The following HS6ST3 variants were observed in gnomAD, a reference collection of about 807,000 sequenced individuals.
The protein encoded by HS6ST3 is heparan sulfate 6-O-sulfotransferase 3.
In HS6ST3, 12 loss-of-function variants were observed where a neutral mutation model predicts 36.7. The observed-to-expected ratio is 0.33, with a 90% confidence interval of 0.21 to 0.53. The LOEUF (loss-of-function observed/expected upper bound fraction) is 0.53, where lower values mean the gene tolerates loss of function less well. Among genes scored for constraint, HS6ST3 ranks in the 20% least tolerant of loss-of-function variants. The pLI, the probability that HS6ST3 is intolerant of heterozygous loss-of-function variation, is 0.95. For synonymous variants in HS6ST3, 240 were observed against 257.5 expected (o/e 0.93, Z 0.65); for missense variants, 584 against 640.9 (o/e 0.91, Z 0.96).
At chr13:96,805,138 G>C (rs757114789) in intron 1 of HS6ST3, among the ~76,000 whole-genome samples, 3 of 152,184 alleles carry the variant, frequency 2.0e-5, no homozygotes, top group Non-Finnish European at 4.4e-5. Context: ...TAGCTGCCAA[G>C]AGGGTAATAT....
At chr13:96,304,142 C>CA (rs71113990) in intron 1 of HS6ST3, among the ~76,000 whole-genome samples, 7,292 of 135,680 alleles carry the variant, frequency 0.054, 342 homozygotes, top group African/African-American at 0.13. Context: ...GACTCCATCT[C>CA]AAAAAAAAAA....
chr13:96,825,997 A>G (rs1878638586), intron 1 of HS6ST3, among the ~76,000 whole-genome samples: 1 of 152,184 alleles, frequency 6.6e-6, no homozygotes, highest in Non-Finnish European at 1.5e-5. Context: ...CACATAGCGA[A>G]CCCTCAATAA....
intron 1 of HS6ST3, among the ~76,000 whole-genome samples, chr13:96,391,127 T>C (rs2055393265): frequency 6.6e-6 from 1 of 152,204 alleles, no homozygotes. Context: ...TCCCAGCTAG[T>C]CTGGCAAATA....
chr13:96,762,686 G>A (rs567211172), intron 1 of HS6ST3, among the ~76,000 whole-genome samples: 3 of 152,088 alleles, frequency 2.0e-5, no homozygotes, highest in East Asian at 1.9e-4. Context: ...ATTAACAAAC[G>A]GTTGTTCATT....
At chr13:96,559,500 T>C (rs983223865) in intron 1 of HS6ST3, among the ~76,000 whole-genome samples, 1 of 152,194 alleles carries the variant, frequency 6.6e-6, no homozygotes, top group African/African-American at 2.4e-5. Flanking sequence ...TCCACTGATA[T>C]CTAGCTGGTA....
chr13:96,493,288 T>G (rs2055955872), intron 1 of HS6ST3, among the ~76,000 whole-genome samples: 1 of 152,176 alleles, frequency 6.6e-6, no homozygotes, highest in Non-Finnish European at 1.5e-5. Context: ...ATAATCATCC[T>G]TCTCAAGGTT....
At chr13:96,618,226 G>A (rs1427919014) in intron 1 of HS6ST3, among the ~76,000 whole-genome samples, 1 of 152,076 alleles carries the variant, frequency 6.6e-6, no homozygotes, top group Non-Finnish European at 1.5e-5. Flanking sequence ...AGCCTCCTGA[G>A]TGGCTGGAAC....
intron 1 of HS6ST3, among the ~76,000 whole-genome samples, chr13:96,554,383 A>G (rs998233510): frequency 1.3e-5 from 2 of 152,220 alleles, no homozygotes; most frequent in African/African-American, 4.8e-5. Flanking sequence ...ATTAAGATGA[A>G]TAAGAGTACC....
chr13:96,151,543 A>G (rs1229460587), intron 1 of HS6ST3, among the ~76,000 whole-genome samples: 1 of 152,242 alleles, frequency 6.6e-6, no homozygotes, highest in Non-Finnish European at 1.5e-5. Context: ...TGGAGAGATT[A>G]TAGTTGACTG....
intron 1 of HS6ST3, among the ~76,000 whole-genome samples, chr13:96,802,569 T>A (rs1878103538): frequency 6.6e-6 from 1 of 152,186 alleles, no homozygotes; most frequent in African/African-American, 2.4e-5. Context: ...ATTTGGTCTG[T>A]GACTGCTCTG....
intron 1 of HS6ST3, among the ~76,000 whole-genome samples, chr13:96,238,597 C>T (rs1325446228): frequency 6.6e-6 from 1 of 152,184 alleles, no homozygotes; most frequent in Non-Finnish European, 1.5e-5. Flanking sequence ...CGTCATTATT[C>T]TCTAGCACAG....
At chr13:96,481,910 T>A (rs984861794) in intron 1 of HS6ST3, among the ~76,000 whole-genome samples, 2 of 152,180 alleles carry the variant, frequency 1.3e-5, no homozygotes, top group African/African-American at 4.8e-5. Flanking sequence ...TCACCTTTGT[T>A]TCTTTCTTCC....
At chr13:96,564,807 A>G (rs139671996) in intron 1 of HS6ST3, among the ~76,000 whole-genome samples, 1 of 152,212 alleles carries the variant, frequency 6.6e-6, no homozygotes, top group South Asian at 2.1e-4. Context: ...AATAAACAGA[A>G]AACCCAAGTA....
chr13:96,764,338 G>GA (rs1877042814), intron 1 of HS6ST3, among the ~76,000 whole-genome samples: 1 of 152,140 alleles, frequency 6.6e-6, no homozygotes, highest in Admixed American at 6.5e-5. Context: ...GAAAAAAAGG[G>GA]ACAAGGTGAT....
At chr13:96,625,832 T>C (rs2056510206) in intron 1 of HS6ST3, among the ~76,000 whole-genome samples, 1 of 151,714 alleles carries the variant, frequency 6.6e-6, no homozygotes, top group South Asian at 2.1e-4. Context: ...TAAAGAGAAA[T>C]TCTTCTTCTT....
chr13:96,742,962 A>T (rs2138486360), intron 1 of HS6ST3, among the ~76,000 whole-genome samples: 1 of 152,262 alleles, frequency 6.6e-6, no homozygotes, highest in Admixed American at 6.5e-5. Context: ...TCAGATTGTC[A>T]GTGTTGGAGT....
intron 1 of HS6ST3, among the ~76,000 whole-genome samples, chr13:96,102,980 T>G (rs941819256): frequency 2.0e-5 from 3 of 152,216 alleles, no homozygotes; most frequent in Non-Finnish European, 4.4e-5. Context: ...ACTTTAAAAT[T>G]TTATCGGTAC....
chr13:96,327,192 C>T (rs997973712), intron 1 of HS6ST3, among the ~76,000 whole-genome samples: 4 of 151,122 alleles, frequency 2.6e-5, no homozygotes, highest in South Asian at 4.2e-4. Flanking sequence ...AATTAGATCC[C>T]ATTTGTCAAT....
At chr13:96,652,144 T>C (rs918820664) in intron 1 of HS6ST3, among the ~76,000 whole-genome samples, 1 of 152,096 alleles carries the variant, frequency 6.6e-6, no homozygotes, top group African/African-American at 2.4e-5. Flanking sequence ...CTGTATTGTT[T>C]CTACTACATA....
Sources: gnomAD v4.1 joint callset for allele counts (sites outside exome capture counted in the v4.1 genomes callset) on GRCh38, gnomAD v4.1.1 for gene constraint, MANE v1.5 for transcripts, NCBI Gene and HGNC (gene_info 2026-07-23, HGNC 2026-07-21) for gene names.